SORCS2: variants seen among roughly 807,000 people sequenced by gnomAD.
SORCS2 encodes VPS10 domain-containing receptor SorCS2.
Under a neutral mutation model 141.6 loss-of-function variants are expected in SORCS2, and 100 were observed. The observed-to-expected ratio is 0.71, with a 90% CI of 0.60 to 0.83. SORCS2 has a LOEUF of 0.83. SORCS2 is among the 40% of genes least tolerant of loss of function. SORCS2 has a pLI of 0.00. For missense variants in SORCS2, 1,646 were observed against 1,560.2 expected (o/e 1.05, Z -0.93); for synonymous variants, 789 against 676.9 (o/e 1.17, Z -2.57).
chr4:7,601,587 C>CTAGCCT (rs1476243408), intron 3 of SORCS2, among the ~76,000 whole-genome samples: 1 of 127,280 alleles, frequency 7.9e-6, no homozygotes, highest in Admixed American at 9.8e-5. Flanking sequence ...CCACTGCACT[C>CTAGCCT]TAGCCTGGGC....
intron 3 of SORCS2, among the ~76,000 whole-genome samples, chr4:7,585,978 CCT>C (rs1222318540): frequency 2.0e-5 from 3 of 152,344 alleles, no homozygotes; most frequent in South Asian, 4.1e-4. Flanking sequence ...TGGTTTTCTT[CCT>C]CCTTCTAGTT....
chr4:7,540,163 T>TCCCCGC lies in SORCS2; in HGVS notation c.648+8537_648+8538insCGCCCC, dbSNP rs1458570860. Among the ~76,000 whole-genome samples the TCCCCGC allele has an allele frequency of 1.9e-3, 3 of 1,554 alleles. No individual in the cohort carries two copies. In the Admixed American group the frequency reaches 0.039, roughly 20 times the overall value. The allele number at this position is 1,554 out of a possible 152,430, so 1.0% of individuals were successfully genotyped here. A position where few individuals can be genotyped will look rare whatever the true frequency, so the allele number is the denominator to read the frequency against. The stretch of plus-strand genomic sequence containing the variant: ...CCCTGCCCCTCCCCGCCCCTGCCTC[T>TCCCCGC]CCCTGCCCCTCCCTGCCCCTCCCTG... On this transcript the variant is annotated intron_variant, in intron 3 of 26. Transcript: ENST00000507866.
chr4:7,574,418 A>G (rs1324906725), intron 3 of SORCS2, among the ~76,000 whole-genome samples: 1 of 152,142 alleles, frequency 6.6e-6, no homozygotes, highest in Non-Finnish European at 1.5e-5. Flanking sequence ...TGTCTTAGAG[A>G]GTGATGACGT....
intron 1 of SORCS2, among the ~76,000 whole-genome samples, chr4:7,332,741 T>C (rs528234375): frequency 1.3e-4 from 20 of 152,300 alleles, no homozygotes; most frequent in Non-Finnish European, 2.8e-4. Flanking sequence ...CAAGCCCCTC[T>C]TGGCTCCCAG....
At chr4:7,581,634 G>A (rs1716152787) in intron 3 of SORCS2, among the ~76,000 whole-genome samples, 1 of 152,180 alleles carries the variant, frequency 6.6e-6, no homozygotes, top group South Asian at 2.1e-4. Context: ...CAGGACAGGA[G>A]CCCTCACGCA....
At chr4:7,265,285 G>C (rs1473738921) in intron 1 of SORCS2, among the ~76,000 whole-genome samples, 3 of 152,144 alleles carry the variant, frequency 2.0e-5, no homozygotes, top group Admixed American at 2.0e-4. Context: ...GAGGTCAAGA[G>C]ATTGAGACCA....
intron 11 of SORCS2, among the ~76,000 whole-genome samples, chr4:7,690,683 G>A (rs182619525): frequency 6.3e-4 from 96 of 152,136 alleles, no homozygotes; most frequent in Non-Finnish European, 1.1e-3. Flanking sequence ...GATGGATGAC[G>A]AATGAATGAT....
At chr4:7,662,481 C>G (rs1722239384) in intron 6 of SORCS2, among the ~76,000 whole-genome samples, 2 of 152,178 alleles carry the variant, frequency 1.3e-5, no homozygotes, top group Non-Finnish European at 2.9e-5. Context: ...TCTCCAGGGC[C>G]TGCAACTCCT....
chr4:7,691,086 AG>A (rs1724215276), intron 11 of SORCS2, among the ~76,000 whole-genome samples: 1 of 152,230 alleles, frequency 6.6e-6, no homozygotes, highest in Admixed American at 6.5e-5. Context: ...GCAGAGGCAC[AG>A]GCCCAGAGTT....
intron 11 of SORCS2, among the ~76,000 whole-genome samples, chr4:7,696,935 G>C (rs1266375267): frequency 6.6e-6 from 1 of 152,172 alleles, no homozygotes; most frequent in Non-Finnish European, 1.5e-5. Flanking sequence ...CCACACTGGT[G>C]GGTTCTCTGA....
intron 3 of SORCS2, among the ~76,000 whole-genome samples, chr4:7,612,383 G>T (rs1213590871): frequency 1.3e-5 from 2 of 152,304 alleles, no homozygotes; most frequent in Admixed American, 1.3e-4. Flanking sequence ...GCACCCTGCC[G>T]TGCCCTCCGG....
At chr4:7,536,800 C>T (rs1432522303) in intron 3 of SORCS2, among the ~76,000 whole-genome samples, 2 of 146,870 alleles carry the variant, frequency 1.4e-5, no homozygotes, top group African/African-American at 2.6e-5. Flanking sequence ...ATCACACTTT[C>T]GGCCAGAAGC....
chr4:7,291,915 C>T lies in SORCS2; in HGVS notation c.480+98789C>T, dbSNP rs567779013. Among the ~76,000 whole-genome samples, 305 of 152,366 alleles carry T rather than the reference C, an allele frequency of 2.0e-3. 3 individuals are homozygous for T. The highest frequency in any genetic ancestry group is 3.6e-3 in the Non-Finnish European group (244 of 68,038). ...CAAGCCCCTCAACCGTAAACATCCC[C>T]ACAGTAAAACTGGGAATGCGGCCAC... On this transcript the variant is annotated intron_variant, in intron 1 of 26. Coordinates refer to ENST00000507866, the MANE Select transcript of SORCS2 (RefSeq NM_020777.3).
At chr4:7,550,283 A>C (rs1020167031) in intron 3 of SORCS2, among the ~76,000 whole-genome samples, 1 of 151,606 alleles carries the variant, frequency 6.6e-6, no homozygotes, top group South Asian at 2.1e-4. Flanking sequence ...GGGGGTGCCC[A>C]GCAAGGCACT....
intron 3 of SORCS2, among the ~76,000 whole-genome samples, chr4:7,584,335 C>T (rs544188433): frequency 6.6e-6 from 1 of 152,198 alleles, no homozygotes; most frequent in South Asian, 2.1e-4. Context: ...CTTGACCCTA[C>T]AGTTGGGTCT....
chr4:7,306,054 T>C (rs1460658110), intron 1 of SORCS2, among the ~76,000 whole-genome samples: 3 of 152,236 alleles, frequency 2.0e-5, no homozygotes, highest in Non-Finnish European at 4.4e-5. Context: ...CGACACACTC[T>C]TGGGCTTGCT....
rs375686524 is a variant in SORCS2 at position 7,654,122 on chromosome 4, T to C, written c.814-12T>C. The C allele has an allele frequency of 3.3e-5, 51 of 1,565,440 alleles. No individual in the cohort carries two copies. The highest frequency in any genetic ancestry group is 4.2e-5 in the Non-Finnish European group (48 of 1,153,610). ...CCTGACCAAGCTTTTGTTTCTTTTT[T>C]CTGCCCTAAAGCTCTACGTGTCATC... On this transcript the variant is annotated splice_polypyrimidine_tract_variant and intron_variant, in intron 4 of 26. Transcript: ENST00000507866.
chr4:7,463,955 C>T (rs766702935), intron 2 of SORCS2, among the ~76,000 whole-genome samples: 5 of 152,238 alleles, frequency 3.3e-5, no homozygotes, highest in South Asian at 2.1e-4. Flanking sequence ...GAGTCTGGGA[C>T]GTTGGATCGA....
In SORCS2 at chr4:7,235,216, C is replaced by T. The variant is rs553348334; in HGVS notation, c.480+42090C>T. 1.2e-4 allele frequency among the ~76,000 whole-genome samples: 18 copies of T among 152,318 alleles called. No individual in the cohort carries two copies. In the South Asian group the frequency reaches 1.4e-3, roughly 12 times the overall value. ...AGCACTGTGCCGGCTTGCATGAGGG[C>T]GCCTTGTGCAGCCGCACCAGTTAGT... On this transcript the variant is annotated intron_variant, in intron 1 of 26. Coordinates refer to ENST00000507866, the MANE Select transcript of SORCS2 (RefSeq NM_020777.3).
Sources: allele counts gnomAD v4.1 joint callset (sites outside exome capture counted in the v4.1 genomes callset), GRCh38; gene constraint gnomAD v4.1.1; transcripts MANE v1.5; gene names NCBI Gene and HGNC (gene_info 2026-07-23, HGNC 2026-07-21).